COX7B2: variants seen among roughly 807,000 people sequenced by gnomAD.
The protein encoded by COX7B2 is cytochrome c oxidase subunit 7B2, mitochondrial.
For synonymous variants in COX7B2, 37 were observed against 32.1 expected (o/e 1.15, Z -0.51); for missense variants, 109 against 95.9 (o/e 1.14, Z -0.57).
At chr4:46,802,181 T>C (rs1718690967) in intron 2 of COX7B2, among the ~76,000 whole-genome samples, 1 of 152,146 alleles carries the variant, frequency 6.6e-6, no homozygotes, top group South Asian at 2.1e-4. Flanking sequence ...GACCAGTGCT[T>C]AGGCAAGAAG....
intron 1 of COX7B2, among the ~76,000 whole-genome samples, chr4:46,882,378 T>C (rs1015757465): frequency 1.3e-5 from 2 of 152,316 alleles, no homozygotes; most frequent in East Asian, 1.9e-4. Context: ...TCTGTACTAA[T>C]ACTGTCAGTG....
At chr4:46,755,825 A>G (rs1215518618) in intron 2 of COX7B2, among the ~76,000 whole-genome samples, 1 of 152,082 alleles carries the variant, frequency 6.6e-6, no homozygotes, top group Non-Finnish European at 1.5e-5. Context: ...ACACAAACAA[A>G]TGGAAAGCAT....
chr4:46,822,834 T>C (rs1279153013), intron 2 of COX7B2, among the ~76,000 whole-genome samples: 1 of 152,016 alleles, frequency 6.6e-6, no homozygotes, highest in African/African-American at 2.4e-5. Flanking sequence ...AAATAATAGG[T>C]CAGAAATAAA....
At chr4:46,785,153 T>C (rs1291115488) in intron 2 of COX7B2, among the ~76,000 whole-genome samples, 2 of 152,204 alleles carry the variant, frequency 1.3e-5, no homozygotes, top group Non-Finnish European at 2.9e-5. Context: ...ACTTTATGTC[T>C]CATTGCTTGT....
intron 1 of COX7B2, among the ~76,000 whole-genome samples, chr4:46,878,090 C>A (rs1283961580): frequency 6.6e-6 from 1 of 151,832 alleles, no homozygotes; most frequent in East Asian, 1.9e-4. Context: ...CTGCCATTTT[C>A]TATGACATGA....
intron 2 of COX7B2, among the ~76,000 whole-genome samples, chr4:46,771,200 T>G (rs1398089713): frequency 6.6e-6 from 1 of 152,080 alleles, no homozygotes; most frequent in Non-Finnish European, 1.5e-5. Flanking sequence ...TGCTAACGCG[T>G]GTATGGAAAA....
chr4:46,849,984 G>A (rs941306971), intron 1 of COX7B2, among the ~76,000 whole-genome samples: 6 of 151,834 alleles, frequency 4.0e-5, no homozygotes, highest in African/African-American at 1.5e-4. Flanking sequence ...TTGTGTAATT[G>A]TATTTCCAAC....
rs1260032031 is a variant in COX7B2 at position 46,789,827 on chromosome 4, ATTCAAT to A, written c.-49-54592_-49-54587del. Among the ~76,000 whole-genome samples the A allele has an allele frequency of 2.0e-5, 3 of 152,148 alleles. No homozygotes were observed. In the South Asian group the frequency reaches 6.2e-4, roughly 31 times the overall value. ...ACTCTTTGGGGAATTACTTTTATAG[ATTCAAT>A]TAAAGTGTATCCTACTAGCATTTTG... On this transcript the variant is annotated intron_variant, in intron 2 of 2. Transcript: ENST00000355591.
At chr4:46,745,152 A>C (rs1263258285) in intron 2 of COX7B2, among the ~76,000 whole-genome samples, 1 of 152,168 alleles carries the variant, frequency 6.6e-6, no homozygotes, top group African/African-American at 2.4e-5. Flanking sequence ...ATTTTGATAA[A>C]ACTACCCATT....
chr4:46,900,608 T>C (rs997173498), intron 1 of COX7B2, among the ~76,000 whole-genome samples: 4 of 152,316 alleles, frequency 2.6e-5, no homozygotes, highest in African/African-American at 7.2e-5. Flanking sequence ...AATGTTTGTG[T>C]TCCCCCCAAA....
chr4:46,756,747 C>A (rs1441652256), intron 2 of COX7B2, among the ~76,000 whole-genome samples: 2 of 151,948 alleles, frequency 1.3e-5, no homozygotes, highest in African/African-American at 4.8e-5. Context: ...TAATGAGATA[C>A]TATCGTATAG....
At chr4:46,825,290 A>C (rs1714606913) in intron 2 of COX7B2, among the ~76,000 whole-genome samples, 1 of 152,150 alleles carries the variant, frequency 6.6e-6, no homozygotes, top group Non-Finnish European at 1.5e-5. Context: ...AATTGCCATA[A>C]AAAAGCATAA....
intron 2 of COX7B2, among the ~76,000 whole-genome samples, chr4:46,789,229 T>A (rs1259623477): frequency 6.6e-6 from 1 of 152,182 alleles, no homozygotes; most frequent in Non-Finnish European, 1.5e-5. Flanking sequence ...CAGTTGCTTC[T>A]CCTTTGACTA....
At chr4:46,817,787 C>G (rs1214431135) in intron 2 of COX7B2, among the ~76,000 whole-genome samples, 4 of 152,132 alleles carry the variant, frequency 2.6e-5, no homozygotes, top group Non-Finnish European at 5.9e-5. Context: ...GGCAGGTTCC[C>G]TAAGCATCTC....
intron 1 of COX7B2, among the ~76,000 whole-genome samples, chr4:46,908,868 C>G (rs1413141937): frequency 6.6e-6 from 1 of 151,726 alleles, no homozygotes; most frequent in Admixed American, 6.6e-5. Flanking sequence ...GGTGAAACCC[C>G]GTCTCTACTA....
intron 1 of COX7B2, among the ~76,000 whole-genome samples, chr4:46,883,554 G>A (rs1017581145): frequency 6.6e-6 from 1 of 151,868 alleles, no homozygotes; most frequent in Non-Finnish European, 1.5e-5. Context: ...TGGGCAACAC[G>A]GTAAAACCCC....
intron 2 of COX7B2, among the ~76,000 whole-genome samples, chr4:46,792,488 C>A (rs1344253316): frequency 6.6e-6 from 1 of 152,200 alleles, no homozygotes; most frequent in Non-Finnish European, 1.5e-5. Flanking sequence ...AGTTTGAATT[C>A]TCTCTTTCTC....
intron 2 of COX7B2, among the ~76,000 whole-genome samples, chr4:46,820,686 T>C (rs1714211151): frequency 6.6e-6 from 1 of 151,836 alleles, no homozygotes. Context: ...CTGGGCATGG[T>C]AGCACATGCC....
At chr4:46,805,968 T>C (rs1362146425) in intron 2 of COX7B2, among the ~76,000 whole-genome samples, 1 of 152,196 alleles carries the variant, frequency 6.6e-6, no homozygotes, top group Non-Finnish European at 1.5e-5. Flanking sequence ...CTTCTTCCTT[T>C]ATCTTCCTAA....
Sources: allele counts gnomAD v4.1 joint callset (sites outside exome capture counted in the v4.1 genomes callset), GRCh38; gene constraint gnomAD v4.1.1; transcripts MANE v1.5; gene names NCBI Gene and HGNC (gene_info 2026-07-23, HGNC 2026-07-21).